The following DAO variants were observed in gnomAD, a reference collection of about 807,000 sequenced individuals.
The protein encoded by DAO is D-amino acid oxidase, also known as D-amino-acid oxidase.
Under a neutral mutation model 50.1 loss-of-function variants are expected in DAO, and 51 were observed. That is an observed-to-expected ratio of 1.02 (90% CI 0.81 to 1.29). The LOEUF is 1.29. Ranked by LOEUF, DAO falls within the 50% of genes most tolerant of loss-of-function variation. The pLI is 0.00. For synonymous variants in DAO, 160 were observed against 166.2 expected (o/e 0.96, Z 0.29); for missense variants, 436 against 439.4 (o/e 0.99, Z 0.07).
At chr12:108,881,825 T>C (rs1472893787) in intron 1 of DAO, among the ~76,000 whole-genome samples, 1 of 151,878 alleles carries the variant, frequency 6.6e-6, no homozygotes, top group Non-Finnish European at 1.5e-5. Context: ...AGGCTGGTCT[T>C]GAACTCCCGA....
intron 8 of DAO, chr12:108,898,407 G>A: frequency 4.4e-6 from 2 of 457,882 alleles, no homozygotes; most frequent in Non-Finnish European, 4.1e-6. Flanking sequence ...AATATCAATG[G>A]CAATGTTAGT....
At chr12:108,888,117 A>G (rs1277620822) in intron 3 of DAO, among the ~76,000 whole-genome samples, 1 of 152,216 alleles carries the variant, frequency 6.6e-6, no homozygotes, top group Non-Finnish European at 1.5e-5. Context: ...AGAGCTCGCC[A>G]GTGGCAGAGC....
Position 108,887,551 on chromosome 12 carries a change from A to T in DAO, c.296A>T (p.His99Leu). Residue 99 changes from histidine (H) to leucine (L), a missense_variant, in exon 3 of 11, where the codon CAT becomes CTT. Transcript: ENST00000228476. ...CTAATCTCGGGCTACAACCTCTTCCATGAAGCCATTCCGGTGGGTGAACAG... is the reference window on the plus strand; with the variant it reads ...CTAATCTCGGGCTACAACCTCTTCCTTGAAGCCATTCCGGTGGGTGAACAG... The part of the protein sequence containing the change: ...LFLISGYNLF[H>L]EAIPDPSWKD... The T allele has an allele frequency of 1.9e-6, 3 of 1,612,608 alleles. No homozygotes were observed. The highest frequency in any genetic ancestry group is 1.1e-5 in the South Asian group (1 of 91,052).
chr12:108,896,919 T>C, intron 7 of DAO, 87 bp from the exon 8 acceptor site: 1 of 985,456 alleles, frequency 1.0e-6, no homozygotes, highest in East Asian at 2.4e-5. Flanking sequence ...TGGCCACTCT[T>C]GTCAGGACAT....
intron 7 of DAO, among the ~76,000 whole-genome samples, chr12:108,895,411 G>A (rs1208374162): frequency 6.7e-6 from 1 of 150,094 alleles, no homozygotes; most frequent in East Asian, 2.0e-4. Context: ...GGGTGTGTGT[G>A]CATGTGTGTG....
chr12:108,889,571 G>A, intron 4 of DAO, 26 bp downstream of exon 4: 2 of 1,584,292 alleles, frequency 1.3e-6, no homozygotes, highest in Non-Finnish European at 8.7e-7. Flanking sequence ...CAGGCAAAGG[G>A]GACTGGGGCC....
chr12:108,897,282 T>C (rs2039570317), intron 8 of DAO, among the ~76,000 whole-genome samples, 194 bp downstream of exon 8: 1 of 152,160 alleles, frequency 6.6e-6, no homozygotes, highest in African/African-American at 2.4e-5. Context: ...AATGGTGCGA[T>C]CTTGGCTCAC....
intron 4 of DAO, 130 bp downstream of exon 4, chr12:108,889,675 C>T (rs988501865): frequency 1.4e-6 from 1 of 721,754 alleles, no homozygotes; most frequent in African/African-American, 1.7e-5. Flanking sequence ...TCTCCTGGTC[C>T]TTGGTCCAGC....
chr12:108,900,685 G>C lies in DAO; in HGVS notation c.*150G>C, dbSNP rs1010120110. 8.4e-7 allele frequency: 1 copy of C among 1,193,342 alleles called. No individual in the cohort carries two copies. The highest frequency in any genetic ancestry group is 1.2e-6 in the Non-Finnish European group (1 of 852,190). The allele number at this position is 1,193,342 out of a possible 1,614,324, so 73.9% of individuals were successfully genotyped here. ...GAGAAAGCCACAAAGTCAGTGCCTG[G>C]AGAAGGGTTCAGCCCAACATGGGGC... On this transcript the variant is annotated 3_prime_UTR_variant, in exon 11 of 11. Coordinates refer to ENST00000228476, the MANE Select transcript of DAO (RefSeq NM_001917.5).
At chr12:108,898,523 G>A in intron 8 of DAO, 156 bp from the exon 9 acceptor site, 1 of 734,082 alleles carries the variant, frequency 1.4e-6, no homozygotes, top group South Asian at 1.4e-5. Context: ...AGTGGTGATG[G>A]AAGAGTTCGT....
chr12:108,886,041 C>A (rs1226582782), intron 2 of DAO, among the ~76,000 whole-genome samples: 2 of 151,968 alleles, frequency 1.3e-5, no homozygotes, highest in Non-Finnish European at 2.9e-5. Flanking sequence ...CATGAGCCAT[C>A]ATGCCTTGCC....
At chr12:108,892,943 G>A (rs1387485165) in intron 5 of DAO, 39 bp from the exon 6 acceptor site, 2 of 1,601,858 alleles carry the variant, frequency 1.2e-6, no homozygotes, top group Non-Finnish European at 8.6e-7. Context: ...GGGGCAGATA[G>A]CTGAATACTG....
Position 108,885,043 on chromosome 12 carries a change from C to A in DAO, c.37C>A (p.Leu13Met). ...VVVIGAGVIG[L>M]STALCIHERY... ...GGTGATTGGAGCAGGAGTCATCGGG[C>A]TGTCCACCGCCCTCTGCATCCATGA... The change falls in exon 2 of 11, where the codon CTG (leucine) becomes ATG (methionine). Residue 13 changes from leucine (L) to methionine (M), a missense_variant. Coordinates refer to ENST00000228476, the MANE Select transcript of DAO (RefSeq NM_001917.5). The A allele has an allele frequency of 6.2e-7, 1 of 1,614,168 alleles. No individual in the cohort carries two copies. The highest frequency in any genetic ancestry group is 8.5e-7 in the Non-Finnish European group (1 of 1,180,034).
chr12:108,890,138 C>T, intron 4 of DAO, 70 bp from the exon 5 acceptor site: 1 of 1,311,460 alleles, frequency 7.6e-7, no homozygotes, highest in South Asian at 1.2e-5. Flanking sequence ...CTCCCACCTC[C>T]ATTTCACAGC....
At chr12:108,894,508 A>C (rs2039526191) in intron 7 of DAO, 141 bp downstream of exon 7, 6 of 707,040 alleles carry the variant, frequency 8.5e-6, no homozygotes, top group Non-Finnish European at 1.5e-5. Flanking sequence ...CATGTAAAAA[A>C]AACAAACCTG....
At chr12:108,894,115 C>A in intron 6 of DAO, 148 bp from the exon 7 acceptor site, 1 of 650,446 alleles carries the variant, frequency 1.5e-6, no homozygotes, top group South Asian at 1.8e-5. Context: ...AATTTGAAGC[C>A]AGGCCCCTCT....
At chr12:108,892,546 C>G (rs1402188658) in intron 5 of DAO, among the ~76,000 whole-genome samples, 3 of 152,196 alleles carry the variant, frequency 2.0e-5, no homozygotes, top group Non-Finnish European at 4.4e-5. Context: ...CAGCCCACCT[C>G]CCTCCTCATG....
chr12:108,892,159 CTTTT>C (rs11356161), intron 5 of DAO, among the ~76,000 whole-genome samples: 2 of 108,988 alleles, frequency 1.8e-5, no homozygotes, highest in Non-Finnish European at 3.5e-5. Flanking sequence ...TTTCTTTCTT[CTTTT>C]TTTTTTTTTT....
chr12:108,880,438 A>T (rs2039364314), intron 1 of DAO: 1 of 304,866 alleles, frequency 3.3e-6, no homozygotes, highest in African/African-American at 2.2e-5. Flanking sequence ...CACCTGGAAC[A>T]TGGGGATCAT....
Sources: allele counts gnomAD v4.1 joint callset (sites outside exome capture counted in the v4.1 genomes callset), GRCh38; gene constraint gnomAD v4.1.1; transcripts MANE v1.5; gene names NCBI Gene and HGNC (gene_info 2026-07-23, HGNC 2026-07-21).